The following AMZ1 variants were observed in gnomAD, a reference collection of about 807,000 sequenced individuals.
AMZ1 encodes archaelysin family metallopeptidase 1, also known as archaemetzincin-1.
Under a neutral mutation model 29.9 loss-of-function variants are expected in AMZ1, and 39 were observed. That is an observed-to-expected ratio of 1.30 (90% CI 1.01 to 1.70). AMZ1 has a LOEUF of 1.70. Ranked by LOEUF, AMZ1 falls within the 40% of genes most tolerant of loss-of-function variation. The probability of loss-of-function intolerance (pLI) is 0.00; values close to 1 mark genes in which losing one functional copy is unlikely to be tolerated. For missense variants in AMZ1, 1,041 were observed against 680.6 expected, an observed-to-expected ratio of 1.53 and a Z score of -5.89; for synonymous variants, 458 against 304.0, an observed-to-expected ratio of 1.51 and a Z score of -5.27.
rs1461102151 is a variant in AMZ1 at position 2,716,722 on chromosome 7, G to A, written c.*3844G>A. Among the ~76,000 whole-genome samples the A allele has an allele frequency of 6.6e-6, 1 of 152,234 alleles. No homozygotes were observed. The highest frequency in any genetic ancestry group is 1.5e-5 in the Non-Finnish European group (1 of 68,046). On this transcript the variant is annotated 3_prime_UTR_variant, in exon 7 of 7. Transcript: ENST00000683327. ...CGGCTGCCCTGCCCAAGGCCCACCT[G>A]GACAGGCAAGTCTTCCCTAGTGGGT...
intron 4 of AMZ1, among the ~76,000 whole-genome samples, chr7:2,745,495 G>A (rs950795615): frequency 3.3e-5 from 5 of 152,318 alleles, no homozygotes; most frequent in African/African-American, 9.6e-5. Flanking sequence ...CACCAGGCCT[G>A]CCCTAAAAGA....
chr7:2,688,757 C>T (rs890142417), intron 1 of AMZ1, among the ~76,000 whole-genome samples: 9 of 152,142 alleles, frequency 5.9e-5, no homozygotes, highest in Non-Finnish European at 1.0e-4. Flanking sequence ...CAGGGCTCCC[C>T]GCAGCCTGTG....
chr7:2,735,159 G>A (rs552359818), intron 4 of AMZ1, among the ~76,000 whole-genome samples: 2 of 152,146 alleles, frequency 1.3e-5, no homozygotes, highest in African/African-American at 2.4e-5. Context: ...TCTCTCTCCT[G>A]CCTCCTCCTG....
Position 2,702,847 on chromosome 7 carries a change from T to C in AMZ1, c.430T>C (p.Ser144Pro), listed in dbSNP as rs1788137121. The change falls in exon 3 of 7, where the codon TCG (serine) becomes CCG (proline). Residue 144 changes from serine (S) to proline (P), a missense_variant. Ser to Pro is a moderately conservative substitution (Grantham distance 74, BLOSUM62 -1). Coordinates refer to ENST00000683327, the MANE Select transcript of AMZ1 (RefSeq NM_001384743.1). ...SVAAASIRCS[S>P]RPSRDSDRLQ... ...GGCAGCCGCGTCCATCCGCTGCTCC[T>C]CGCGGCCCAGCCGGGACTCTGACAG... The C allele has an allele frequency of 1.3e-6, 2 of 1,582,514 alleles. No individual in the cohort carries two copies. The highest frequency in any genetic ancestry group is 8.5e-7 in the Non-Finnish European group (1 of 1,170,274).
intron 2 of AMZ1, 47 bp downstream of exon 2, chr7:2,700,802 A>T: frequency 1.3e-6 from 2 of 1,586,832 alleles, no homozygotes; most frequent in South Asian, 1.1e-5. Flanking sequence ...GGACCAGCTT[A>T]TATATAGCAC....
chr7:2,735,181 T>G (rs1289844231), intron 4 of AMZ1, among the ~76,000 whole-genome samples: 1 of 152,114 alleles, frequency 6.6e-6, no homozygotes, highest in Non-Finnish European at 1.5e-5. Context: ...TCTCCTGCCC[T>G]CCCCTGGGCC....
intron 1 of AMZ1, among the ~76,000 whole-genome samples, chr7:2,690,870 G>T (rs962378592): frequency 6.6e-6 from 1 of 152,126 alleles, no homozygotes; most frequent in African/African-American, 2.4e-5. Context: ...GCCGGGTGTG[G>T]TGGCTCACCT....
intron 1 of AMZ1, among the ~76,000 whole-genome samples, chr7:2,691,036 G>A (rs559995424): frequency 6.6e-6 from 1 of 151,198 alleles, no homozygotes; most frequent in Non-Finnish European, 1.5e-5. Flanking sequence ...AGCTACTAGG[G>A]AGGCTGAGGC....
rs1047904564 is a variant in AMZ1, at chr7:2,739,478, A to AAT, written n.551-25223_551-25222dup. On this transcript the variant is annotated intron_variant and non_coding_transcript_variant, in intron 4 of 4. Transcript: ENST00000489665. ...CAGTGCAACATTCCATTTTACGGCCAATATATATATATGTATATTACATGC... is the reference window on the plus strand; with the variant it reads ...CAGTGCAACATTCCATTTTACGGCCAATATATATATATATGTATATTACATGC... 1.8e-3 allele frequency among the ~76,000 whole-genome samples: 187 copies of AAT among 101,430 alleles called. 1 individual carries two copies. Among genetic ancestry groups the AAT allele is most frequent in the African/African-American group, 5.3e-3 (161 of 30,218 alleles). The allele number at this position is 101,430 out of a possible 152,430, so 66.5% of individuals were successfully genotyped here. A position where few individuals can be genotyped will look rare whatever the true frequency, so the allele number is the denominator to read the frequency against.
At position 2,719,187 on chromosome 7, in the gene AMZ1, C is replaced by T. The variant is rs533216829; in HGVS notation, c.*6309C>T. On this transcript the variant is annotated 3_prime_UTR_variant, in exon 7 of 7. Coordinates refer to ENST00000683327, the MANE Select transcript of AMZ1 (RefSeq NM_001384743.1). ...TTGTCGGCTGCCAACCCAACTCCTCCGACAGAACGGCAGGTGGCCCCTGTC... is the reference window on the plus strand; with the variant it reads ...TTGTCGGCTGCCAACCCAACTCCTCTGACAGAACGGCAGGTGGCCCCTGTC... Among the ~76,000 whole-genome samples, 33 of 152,266 alleles carry T rather than the reference C, an allele frequency of 2.2e-4. No homozygotes were observed. Among genetic ancestry groups the T allele is most frequent in the South Asian group, 2.1e-3 (10 of 4,822 alleles).
At chr7:2,762,591 C>T (rs1791613441), upstream of AMZ1, 1 of 1,504,312 alleles carries the variant, frequency 6.6e-7, no homozygotes, top group African/African-American at 1.4e-5. Flanking sequence ...CATTTACAAA[C>T]CCAAAAAAGG....
intron 4 of AMZ1, chr7:2,729,111 G>C (rs1301565080): frequency 6.6e-6 from 1 of 152,408 alleles, no homozygotes; most frequent in African/African-American, 2.4e-5. Flanking sequence ...CCTGCTACGC[G>C]AATCACAGCG....
At position 2,693,857 on chromosome 7, in the gene AMZ1, C is replaced by G. The variant is rs140473406; in HGVS notation, c.-219+5561C>G. 8.7e-3 allele frequency among the ~76,000 whole-genome samples: 1,327 copies of G among 152,282 alleles called. 19 individuals are homozygous for G. The highest frequency in any genetic ancestry group is 0.044 in the Middle Eastern group (13 of 294). On this transcript the variant is annotated intron_variant, in intron 1 of 6. Coordinates refer to ENST00000683327, the MANE Select transcript of AMZ1 (RefSeq NM_001384743.1). ...GGCATGGGCCACTGCAGCCAGCCAGCCTTTTCTTTTTCCAACAGGACCTGT... is the reference window on the plus strand; with the variant it reads ...GGCATGGGCCACTGCAGCCAGCCAGGCTTTTCTTTTTCCAACAGGACCTGT...
At chr7:2,679,790 C>G (rs1386021265) in intron 1 of AMZ1, 2 of 152,588 alleles carry the variant, frequency 1.3e-5, no homozygotes, top group African/African-American at 4.8e-5. Flanking sequence ...GCAGAGGGCA[C>G]AGCCTGGGCA....
At chr7:2,685,847 C>T (rs148742422), upstream of AMZ1, among the ~76,000 whole-genome samples, 6,758 of 141,006 alleles carry the variant, frequency 0.048, 227 homozygotes, top group Non-Finnish European at 0.074. Flanking sequence ...AGCGAGACTC[C>T]GTCTCAAGAA....
At chr7:2,760,162 C>T (rs561078438), upstream of AMZ1, among the ~76,000 whole-genome samples, 2 of 152,262 alleles carry the variant, frequency 1.3e-5, no homozygotes, top group African/African-American at 4.8e-5. Flanking sequence ...GCTTTCTTCC[C>T]ATCGCCCGCC....
intron 1 of AMZ1, among the ~76,000 whole-genome samples, chr7:2,692,450 G>A (rs1018698637): frequency 3.3e-5 from 5 of 152,208 alleles, no homozygotes; most frequent in Non-Finnish European, 5.9e-5. Context: ...GCTGAGGCAG[G>A]AGAATCGCTT....
chr7:2,683,803 G>A (rs1199021101), upstream of AMZ1, among the ~76,000 whole-genome samples: 1 of 152,024 alleles, frequency 6.6e-6, no homozygotes, highest in Non-Finnish European at 1.5e-5. Context: ...CTGGGCTCAA[G>A]TGATCCTCCC....
rs1480200442 is a variant in AMZ1 at position 2,712,587 on chromosome 7, G to C, written c.1206G>C (p.Glu402Asp). Residue 402 changes from glutamate to aspartate, a missense_variant, in exon 7 of 7, where the codon GAG becomes GAC. By Grantham distance (45) the Glu-to-Asp change is conservative (BLOSUM62 2). Transcript: ENST00000683327. ...EAPLPPGGPA[E>D]AIKEHERWLA... is the part of the protein sequence containing the mutation. ...CGCTGCCACCTGGGGGCCCTGCGGA[G>C]GCCATCAAGGAGCATGAACGGTGGC... 2 of 1,612,276 alleles carry C rather than the reference G, an allele frequency of 1.2e-6. No homozygotes were observed. The highest frequency in any genetic ancestry group is 1.3e-5 in the African/African-American group (1 of 74,928).
Sources: allele counts gnomAD v4.1 joint callset (sites outside exome capture counted in the v4.1 genomes callset), GRCh38; gene constraint gnomAD v4.1.1; transcripts MANE v1.5; gene names NCBI Gene and HGNC (gene_info 2026-07-23, HGNC 2026-07-21).